The following TEAD1 variants were observed in gnomAD, a reference collection of about 807,000 sequenced individuals.
TEAD1 encodes TEA domain transcription factor 1.
Under a neutral mutation model 54.9 loss-of-function variants are expected in TEAD1, and 9 were observed. That is an observed-to-expected ratio of 0.16 (90% CI 0.10 to 0.29). The LOEUF is 0.29. TEAD1 is among the 10% of genes least tolerant of loss of function. The pLI is 1.00. For missense variants in TEAD1, 387 were observed against 535.9 expected (o/e 0.72, Z 2.74); for synonymous variants, 200 against 187.8 (o/e 1.07, Z -0.53).
chr11:12,898,631 G>C (rs1948362164), intron 9 of TEAD1, among the ~76,000 whole-genome samples: 1 of 152,072 alleles, frequency 6.6e-6, no homozygotes, highest in South Asian at 2.1e-4. Context: ...CTGACCTCAA[G>C]TGATCCACCC....
At chr11:12,754,199 A>G (rs556859934) in intron 2 of TEAD1, among the ~76,000 whole-genome samples, 43 of 152,344 alleles carry the variant, frequency 2.8e-4, no homozygotes, top group Admixed American at 9.8e-4. Flanking sequence ...TCAAGATTGC[A>G]CAAGAGCTGC....
intron 2 of TEAD1, among the ~76,000 whole-genome samples, chr11:12,739,242 A>ATC (rs1944602341): frequency 6.6e-6 from 1 of 151,696 alleles, no homozygotes; most frequent in Non-Finnish European, 1.5e-5. Context: ...CTATCTATCT[A>ATC]TCAGTCATCT....
intron 9 of TEAD1, among the ~76,000 whole-genome samples, chr11:12,899,612 C>G (rs1302812476): frequency 6.6e-6 from 1 of 152,152 alleles, no homozygotes; most frequent in Non-Finnish European, 1.5e-5. Context: ...AACACAATGG[C>G]TTTTACTTTT....
chr11:12,847,094 G>A (rs1947171522), intron 3 of TEAD1, among the ~76,000 whole-genome samples: 1 of 152,114 alleles, frequency 6.6e-6, no homozygotes, highest in African/African-American at 2.4e-5. Context: ...GTCTTCCTGC[G>A]GCTTCCCCCT....
At chr11:12,840,970 T>C (rs768179145) in intron 3 of TEAD1, among the ~76,000 whole-genome samples, 12 of 152,204 alleles carry the variant, frequency 7.9e-5, no homozygotes, top group Non-Finnish European at 1.5e-4. Flanking sequence ...GGAATACTTT[T>C]TCTCATCTCA....
rs923666547 is a variant in TEAD1, at chr11:12,938,822, G to A, written c.*1600G>A. 1 of 152,240 alleles carries A rather than the reference G, an allele frequency of 6.6e-6. No homozygotes were observed. Among genetic ancestry groups the A allele is most frequent in the Non-Finnish European group, 1.5e-5 (1 of 68,052 alleles). The allele number at this position is 152,240 out of a possible 1,614,324, so 9.4% of individuals were successfully genotyped here. ...GGGAGTGCTCCTCCAGCTTCCCAAA[G>A]AAATATGTTTTTGTAAGTGGTAGGA... On this transcript the variant is annotated 3_prime_UTR_variant, in exon 13 of 13. Transcript: ENST00000527636.
intron 3 of TEAD1, among the ~76,000 whole-genome samples, chr11:12,839,549 T>C (rs1332671783): frequency 6.6e-6 from 1 of 152,240 alleles, no homozygotes; most frequent in African/African-American, 2.4e-5. Flanking sequence ...TGCTAGGCTG[T>C]GTCCTGGGGA....
At chr11:12,935,737 C>T (rs917536552) in intron 12 of TEAD1, among the ~76,000 whole-genome samples, 9 of 152,254 alleles carry the variant, frequency 5.9e-5, no homozygotes, top group African/African-American at 1.7e-4. Context: ...GGATTACAGG[C>T]GTGAGCCACC....
chr11:12,881,081 A>G lies in TEAD1; in HGVS notation c.512+30A>G, dbSNP rs1228439591. 10 of 1,613,320 alleles carry G rather than the reference A, an allele frequency of 6.2e-6. No individual in the cohort carries two copies. In the African/African-American group the frequency reaches 1.2e-4, roughly 19 times the overall value. ...GTCTGAGGAGGGGTGGGCACTGACA[A>G]CTACGGGCTGGTCCCAGCCCACGTG... On this transcript the variant is annotated intron_variant, in intron 7 of 12. Transcript: ENST00000527636.
intron 9 of TEAD1, among the ~76,000 whole-genome samples, chr11:12,896,127 T>A (rs952274220): frequency 6.6e-6 from 1 of 152,246 alleles, no homozygotes; most frequent in Non-Finnish European, 1.5e-5. Flanking sequence ...TTTCCTTAAT[T>A]GTAAAACGTT....
At chr11:12,820,569 T>C (rs973340820) in intron 3 of TEAD1, among the ~76,000 whole-genome samples, 2 of 152,098 alleles carry the variant, frequency 1.3e-5, no homozygotes, top group African/African-American at 4.8e-5. Context: ...AAAGAAGACT[T>C]TGGAGTAGGA....
intron 2 of TEAD1, among the ~76,000 whole-genome samples, chr11:12,724,358 G>A (rs896764896): frequency 6.6e-6 from 1 of 152,210 alleles, no homozygotes; most frequent in Admixed American, 6.5e-5. Flanking sequence ...GAAACAAGAT[G>A]GATCACATTT....
chr11:12,710,822 A>G (rs1943921280), intron 2 of TEAD1, among the ~76,000 whole-genome samples: 1 of 152,082 alleles, frequency 6.6e-6, no homozygotes, highest in African/African-American at 2.4e-5. Flanking sequence ...TGAGTTAGGG[A>G]GAGTAGCTCT....
At chr11:12,928,296 T>TG (rs1202486955) in intron 11 of TEAD1, among the ~76,000 whole-genome samples, 1 of 151,408 alleles carries the variant, frequency 6.6e-6, no homozygotes. Flanking sequence ...TTTTTTTTTT[T>TG]TTGAGATGGG....
intron 3 of TEAD1, among the ~76,000 whole-genome samples, chr11:12,785,642 G>A (rs61878760): frequency 0.071 from 10,870 of 152,152 alleles, 593 homozygotes; most frequent in South Asian, 0.21. Flanking sequence ...TACCGTCCTG[G>A]TCCTATGGCC....
At chr11:12,688,928 C>T (rs576376057) in intron 2 of TEAD1, among the ~76,000 whole-genome samples, 8 of 152,174 alleles carry the variant, frequency 5.3e-5, no homozygotes, top group Admixed American at 2.6e-4. Context: ...CATTTATTTG[C>T]CTTTTCGTCT....
intron 5 of TEAD1, among the ~76,000 whole-genome samples, chr11:12,866,639 G>A (rs1388094443): frequency 6.6e-6 from 1 of 152,170 alleles, no homozygotes; most frequent in African/African-American, 2.4e-5. Flanking sequence ...TCTCTTTTGG[G>A]GCAGGCACAA....
At chr11:12,726,684 A>C (rs1944320293) in intron 2 of TEAD1, among the ~76,000 whole-genome samples, 1 of 152,054 alleles carries the variant, frequency 6.6e-6, no homozygotes, top group Non-Finnish European at 1.5e-5. Flanking sequence ...GCGAAACCTC[A>C]TCTCTACAAA....
rs547810779 is a variant in TEAD1 at position 12,895,199 on chromosome 11, A to ACCC, written c.700-6735_700-6733dup. On this transcript the variant is annotated intron_variant, in intron 9 of 12. Transcript: ENST00000527636. ...GAAGGAAGACGAAAGTCCTTTATTA[A>ACCC]CCCCCCCCGGGTATCTCAGAAGCCC... Among the ~76,000 whole-genome samples the ACCC allele has an allele frequency of 6.1e-3, 915 of 150,076 alleles. 7 individuals are homozygous for ACCC. The highest frequency in any genetic ancestry group is 0.018 in the African/African-American group (729 of 40,848).
Sources: gnomAD v4.1 joint callset for allele counts (sites outside exome capture counted in the v4.1 genomes callset) on GRCh38, gnomAD v4.1.1 for gene constraint, MANE v1.5 for transcripts, NCBI Gene and HGNC (gene_info 2026-07-23, HGNC 2026-07-21) for gene names.